DOCK1: variants seen among roughly 807,000 people sequenced by gnomAD.
The protein encoded by DOCK1 is dedicator of cytokinesis 1.
DOCK1 carries 138 observed loss-of-function variants against 262.7 expected under a neutral mutation model. The observed-to-expected ratio is 0.53, with a 90% CI of 0.46 to 0.61. The LOEUF (loss-of-function observed/expected upper bound fraction) is 0.61. DOCK1 is among the 20% of genes least tolerant of loss of function. The pLI, the probability that DOCK1 is intolerant of heterozygous loss-of-function variation, is 0.00. For missense variants in DOCK1, 1,908 were observed against 2,370.7 expected (o/e 0.80, Z 4.05); for synonymous variants, 866 against 867.4 (o/e 1.00, Z 0.03).
rs71032531 is a variant in DOCK1, at chr10:126,925,724, C to CTGTGTG, written c.46+20202_46+20207dup. On this transcript the variant is annotated intron_variant, in intron 1 of 51. Transcript: ENST00000623213. ...AACACATACACACACATTGCAGAGT[C>CTGTGTG]TGTGTGTGTGTGTGTGTGTGTGTGT... Among the ~76,000 whole-genome samples, 1,392 of 141,296 alleles carry CTGTGTG rather than the reference C, an allele frequency of 9.9e-3. 7 individuals are homozygous for CTGTGTG. Among genetic ancestry groups the CTGTGTG allele is most frequent in the Middle Eastern group, 0.029 (8 of 280 alleles). The allele number at this position is 141,296 out of a possible 152,430, so 92.7% of individuals were successfully genotyped here.
chr10:127,186,507 G>GCCC (rs1326283340), intron 27 of DOCK1, among the ~76,000 whole-genome samples: 78 of 5,914 alleles, frequency 0.013, 13 homozygotes, highest in East Asian at 0.054. Flanking sequence ...GGGAGAAACC[G>GCCC]CCCCCCCGCC....
chr10:127,242,367 T>C (rs1454458950), intron 27 of DOCK1, among the ~76,000 whole-genome samples: 1 of 152,220 alleles, frequency 6.6e-6, no homozygotes, highest in African/African-American at 2.4e-5. Context: ...TTCTCTTTCA[T>C]ATTTTCTCAC....
intron 27 of DOCK1, among the ~76,000 whole-genome samples, chr10:127,186,047 G>A (rs1438896145): frequency 1.3e-5 from 2 of 152,168 alleles, no homozygotes; most frequent in African/African-American, 2.4e-5. Flanking sequence ...GAATAACAAC[G>A]TTTTAGAGCA....
rs1053993304 is a variant in DOCK1, at chr10:127,451,544, C to T, written c.*117C>T. 20 of 1,518,542 alleles carry T rather than the reference C, an allele frequency of 1.3e-5. No homozygotes were observed. The highest frequency in any genetic ancestry group is 8.3e-5 in the African/African-American group (6 of 72,554). 94.1% of individuals were successfully genotyped at this position (1,518,542 alleles called of 1,614,324 possible). The stretch of plus-strand genomic sequence containing the variant: ...GGGCCTGTGATGTTAACATTTCGTG[C>T]GACTGCTTTTTCTTCAAAGGAGTTC... On this transcript the variant is annotated 3_prime_UTR_variant, in exon 52 of 52. Transcript: ENST00000623213.
At position 127,071,555 on chromosome 10, in the gene DOCK1, A is replaced by G. The variant is rs147485921; in HGVS notation, c.2445+9779A>G. On this transcript the variant is annotated intron_variant, in intron 23 of 51. Transcript: ENST00000623213. ...CTAGTGCATGCCCATCAAAATGTTT[A>G]TGCTTGCAACCTGCGTAGTTTTTGG... Among the ~76,000 whole-genome samples the G allele has an allele frequency of 3.1e-3, 473 of 152,326 alleles. 1 individual carries two copies. The highest frequency in any genetic ancestry group is 0.011 in the African/African-American group (452 of 41,576).
intron 23 of DOCK1, among the ~76,000 whole-genome samples, chr10:127,104,950 G>C (rs2048448067): frequency 1.3e-5 from 2 of 152,126 alleles, no homozygotes; most frequent in African/African-American, 4.8e-5. Flanking sequence ...TGGTTTGGCT[G>C]TGTCCCCACC....
intron 38 of DOCK1, among the ~76,000 whole-genome samples, chr10:127,389,434 C>T (rs1317817588): frequency 6.6e-6 from 1 of 152,180 alleles, no homozygotes; most frequent in Admixed American, 6.5e-5. Flanking sequence ...ACTCCATTCC[C>T]AGACTGTAAT....
intron 47 of DOCK1, among the ~76,000 whole-genome samples, chr10:127,429,624 G>A (rs1230676076): frequency 6.6e-6 from 1 of 152,174 alleles, no homozygotes; most frequent in Non-Finnish European, 1.5e-5. Flanking sequence ...CGATACCCAG[G>A]CCCCTCTGCC....
At chr10:127,438,907 CCCT>C in intron 48 of DOCK1, 117 bp from the exon 49 acceptor site, 1 of 1,056,744 alleles carries the variant, frequency 9.5e-7, no homozygotes, top group South Asian at 1.7e-5. Flanking sequence ...CCCTTGGCCT[CCCT>C]TTTAAATCAC....
At chr10:127,045,870 C>G (rs558743042) in intron 21 of DOCK1, among the ~76,000 whole-genome samples, 15 of 152,284 alleles carry the variant, frequency 9.9e-5, no homozygotes, top group African/African-American at 3.6e-4. Flanking sequence ...TCTGCTCCGC[C>G]CCCTCTAGCC....
At chr10:127,438,981 G>A in intron 48 of DOCK1, 46 bp from the exon 49 acceptor site, 1 of 1,505,870 alleles carries the variant, frequency 6.6e-7, no homozygotes, top group Non-Finnish European at 8.9e-7. Context: ...CTGTGGGCTG[G>A]AAAGCAATTG....
chr10:127,303,470 G>T (rs1033364390), intron 29 of DOCK1, among the ~76,000 whole-genome samples: 13 of 152,108 alleles, frequency 8.5e-5, no homozygotes, highest in Non-Finnish European at 1.5e-4. Context: ...GCTCGATTTA[G>T]TTTTATTACT....
intron 29 of DOCK1, among the ~76,000 whole-genome samples, chr10:127,270,836 A>G (rs1368911662): frequency 6.6e-6 from 1 of 151,996 alleles, no homozygotes; most frequent in Non-Finnish European, 1.5e-5. Flanking sequence ...ATTTTTCTTT[A>G]TCCAGTCTGG....
At chr10:127,163,901 A>C (rs889550203) in intron 27 of DOCK1, among the ~76,000 whole-genome samples, 45 of 151,798 alleles carry the variant, frequency 3.0e-4, no homozygotes, top group Middle Eastern at 3.4e-3. Context: ...GGTGTGGACA[A>C]ATTAACTTTT....
intron 27 of DOCK1, 26 bp downstream of exon 27, chr10:127,127,790 G>A (rs1339437667): frequency 6.3e-7 from 1 of 1,591,066 alleles, no homozygotes; most frequent in Non-Finnish European, 8.6e-7. Context: ...CATATGTTTG[G>A]ATATTTAACT....
chr10:126,981,790 T>C lies in DOCK1; in HGVS notation c.172-128T>C, dbSNP rs559551841. On this transcript the variant is annotated intron_variant, in intron 3 of 51. Transcript: ENST00000623213. ...CTACTTCTTTGTGTTTTCTTTGATATGTTAAGACTTAAAAAATTAAGAGCG... is the reference window on the plus strand; with the variant it reads ...CTACTTCTTTGTGTTTTCTTTGATACGTTAAGACTTAAAAAATTAAGAGCG... 6.7e-5 allele frequency: 55 copies of C among 824,188 alleles called. 1 individual carries two copies. The highest frequency in any genetic ancestry group is 6.6e-4 in the Admixed American group (23 of 34,734). The allele number at this position is 824,188 out of a possible 1,614,324, so 51.1% of individuals were successfully genotyped here.
chr10:127,284,508 A>G (rs957717649), intron 29 of DOCK1, among the ~76,000 whole-genome samples: 3 of 152,208 alleles, frequency 2.0e-5, no homozygotes, highest in African/African-American at 7.2e-5. Context: ...TTATTAAATA[A>G]TTCTTCATAG....
At chr10:127,426,740 A>G (rs1230624110) in intron 47 of DOCK1, among the ~76,000 whole-genome samples, 1 of 152,164 alleles carries the variant, frequency 6.6e-6, no homozygotes, top group Non-Finnish European at 1.5e-5. Flanking sequence ...TCCAAGAACA[A>G]GGGATGCTAG....
chr10:127,248,800 A>G (rs966559414), intron 28 of DOCK1, among the ~76,000 whole-genome samples: 9 of 152,184 alleles, frequency 5.9e-5, no homozygotes, highest in African/African-American at 2.2e-4. Flanking sequence ...AGGGTCCCCA[A>G]TCCCTGGGCC....
Sources: allele counts gnomAD v4.1 joint callset (sites outside exome capture counted in the v4.1 genomes callset), GRCh38; gene constraint gnomAD v4.1.1; transcripts MANE v1.5; gene names NCBI Gene and HGNC (gene_info 2026-07-23, HGNC 2026-07-21).